KDELR2: variants seen among roughly 807,000 people sequenced by gnomAD.
The protein encoded by KDELR2 is ER lumen protein-retaining receptor 2.
Under a neutral mutation model 23.9 loss-of-function variants are expected in KDELR2, and 15 were observed. The observed-to-expected ratio is 0.63, with a 90% CI of 0.42 to 0.97. The LOEUF is 0.97. Ranked by LOEUF, KDELR2 falls within the 50% of genes least tolerant of loss-of-function variation. The pLI is 0.00. For missense variants in KDELR2, 272 were observed against 254.6 expected (o/e 1.07, Z -0.46); for synonymous variants, 119 against 106.2 (o/e 1.12, Z -0.74).
At chr7:6,469,815 G>T in intron 2 of KDELR2, 61 bp from the exon 3 acceptor site, 1 of 1,414,484 alleles carries the variant, frequency 7.1e-7, no homozygotes. Context: ...GCACCCCCCA[G>T]CTTTTTTAAT....
At chr7:6,471,175 G>A (rs1282783318) in intron 2 of KDELR2, among the ~76,000 whole-genome samples, 5 of 117,130 alleles carry the variant, frequency 4.3e-5, no homozygotes, top group East Asian at 4.9e-4. Context: ...CATTTGTTTC[G>A]GTTTTTTTTT....
intron 1 of KDELR2, among the ~76,000 whole-genome samples, chr7:6,482,191 G>A (rs561254141): frequency 6.6e-6 from 1 of 151,924 alleles, no homozygotes; most frequent in African/African-American, 2.4e-5. Flanking sequence ...TAGTAGAGAC[G>A]GGGTTTCTCC....
intron 2 of KDELR2, 58 bp downstream of exon 2, chr7:6,474,126 G>A (rs118173352): frequency 0.029 from 27,240 of 954,240 alleles, 528 homozygotes; most frequent in Middle Eastern, 0.075. Context: ...CATAAATTAA[G>A]TGTCCATAGA....
At chr7:6,464,774 T>C (rs541211482) in intron 4 of KDELR2, among the ~76,000 whole-genome samples, 2 of 148,330 alleles carry the variant, frequency 1.3e-5, no homozygotes, top group South Asian at 2.1e-4. Flanking sequence ...TTGCTCTTGT[T>C]CCCTAGGCTG....
At chr7:6,463,831 T>C (rs1297313673) in intron 4 of KDELR2, among the ~76,000 whole-genome samples, 1 of 147,980 alleles carries the variant, frequency 6.8e-6, no homozygotes, top group Non-Finnish European at 1.5e-5. Flanking sequence ...GAGGCAGAGG[T>C]GGGCGGATCT....
rs966764909 is a variant in KDELR2 at position 6,462,019 on chromosome 7, A to T, written c.*1122T>A. 6.6e-6 allele frequency: 1 copy of T among 152,182 alleles called. No homozygotes were observed. The highest frequency in any genetic ancestry group is 1.9e-4 in the East Asian group (1 of 5,194). 9.4% of individuals were successfully genotyped at this position (152,182 alleles called of 1,614,324 possible). On this transcript the variant is annotated 3_prime_UTR_variant, in exon 5 of 5. Transcript: ENST00000258739. ...AAAAAGCCTAATTCATAAAAAGACA[A>T]TTTATTCCATGTTTAATATAGTGTT...
intron 1 of KDELR2, among the ~76,000 whole-genome samples, chr7:6,480,888 C>T (rs550902302): frequency 5.9e-4 from 90 of 152,220 alleles, no homozygotes; most frequent in Non-Finnish European, 1.0e-3. Context: ...CAGGAAAACA[C>T]ACAAACCAGG....
intron 1 of KDELR2, among the ~76,000 whole-genome samples, chr7:6,477,900 C>T (rs1398261503): frequency 6.6e-6 from 1 of 152,078 alleles, no homozygotes; most frequent in Non-Finnish European, 1.5e-5. Context: ...TCAAACTGTA[C>T]CCCATAAATA....
chr7:6,480,056 A>C (rs1469802641), intron 1 of KDELR2, among the ~76,000 whole-genome samples: 13 of 152,230 alleles, frequency 8.5e-5, no homozygotes, highest in Admixed American at 7.9e-4. Context: ...TAGGATGAAA[A>C]GTTTACAACC....
At chr7:6,473,991 T>G (rs1342010117) in intron 2 of KDELR2, 193 bp downstream of exon 2, 1 of 435,368 alleles carries the variant, frequency 2.3e-6, no homozygotes. Flanking sequence ...AAACCAAAAA[T>G]GTATGCTTAC....
chr7:6,465,308 CGAGT>C (rs1223860030), intron 4 of KDELR2, among the ~76,000 whole-genome samples: 1 of 151,676 alleles, frequency 6.6e-6, no homozygotes, highest in Non-Finnish European at 1.5e-5. Flanking sequence ...CTCAGCCTCC[CGAGT>C]AACTGGGACT....
In KDELR2 at chr7:6,484,127, C is replaced by CT; in HGVS notation, c.-71_-70insA. ...GCTGGGCGGCTCAGGAGGCGGCGGC[C>CT]CCTGAGAGGAAGCGGCGAAGATGGC... On this transcript the variant is annotated 5_prime_UTR_variant, in exon 1 of 5. Transcript: ENST00000258739. 1 of 1,177,652 alleles carries CT rather than the reference C, an allele frequency of 8.5e-7. No homozygotes were observed. Among genetic ancestry groups the CT allele is most frequent in the Non-Finnish European group, 1.1e-6 (1 of 929,810 alleles). 73.0% of individuals were successfully genotyped at this position (1,177,652 alleles called of 1,614,324 possible).
chr7:6,463,147 T>G lies in KDELR2; in HGVS notation c.633A>C (p.Pro211=). The change falls in exon 5 of 5, where the codon CCA becomes CCC. Residue 211 remains proline, a synonymous_variant. Coordinates refer to ENST00000258739, the MANE Select transcript of KDELR2 (RefSeq NM_006854.4). ...KVLKGKKLSL[P]A ...TGGTGATGGTCTTTGGCACTTATGCTGGCAAACTGAGCTTCTTTCCCTTGA... is the reference window on the plus strand; with the variant it reads ...TGGTGATGGTCTTTGGCACTTATGCGGGCAAACTGAGCTTCTTTCCCTTGA... 1 of 1,614,014 alleles carries G rather than the reference T, an allele frequency of 6.2e-7. No homozygotes were observed. Among genetic ancestry groups the G allele is most frequent in the Non-Finnish European group, 8.5e-7 (1 of 1,179,992 alleles).
intron 1 of KDELR2, among the ~76,000 whole-genome samples, chr7:6,474,728 G>C (rs926787102): frequency 2.0e-5 from 3 of 152,144 alleles, no homozygotes; most frequent in African/African-American, 7.2e-5. Flanking sequence ...GCAGAGGCAC[G>C]ATCAAGCTCA....
At chr7:6,481,651 T>G (rs1785894359) in intron 1 of KDELR2, among the ~76,000 whole-genome samples, 2 of 151,806 alleles carry the variant, frequency 1.3e-5, no homozygotes, top group South Asian at 2.1e-4. Flanking sequence ...GCCCAGGAGT[T>G]TGGGGCTGTA....
chr7:6,466,276 C>T lies in KDELR2; in HGVS notation c.399G>A (p.Pro133=), dbSNP rs372979976. 77 of 1,613,868 alleles carry T rather than the reference C, an allele frequency of 4.8e-5. 1 individual carries two copies. The East Asian group carries it at 7.8e-4, about 16-fold the overall frequency. Residue 133 remains proline, a synonymous_variant, in exon 4 of 5, where the codon CCG becomes CCA. Transcript: ENST00000258739. The stretch of plus-strand genomic sequence containing the variant: ...CAGTCTTGCTGATCATAAATAGCTG[C>T]GGAAGGATAGCCACGGACTCCAGGT... The part of the protein sequence containing the change: ...SIYLESVAIL[P]QLFMISKTGE...
Position 6,484,130 on chromosome 7 carries a change from T to C in KDELR2, c.-73A>G, listed in dbSNP as rs1785983321. On this transcript the variant is annotated 5_prime_UTR_variant, in exon 1 of 5. Transcript: ENST00000258739. ...GGGCGGCTCAGGAGGCGGCGGCCCC[T>C]GAGAGGAAGCGGCGAAGATGGCGAG... 10 of 1,167,676 alleles carry C rather than the reference T, an allele frequency of 8.6e-6. No homozygotes were observed. Among genetic ancestry groups the C allele is most frequent in the African/African-American group, 1.6e-5 (1 of 61,414 alleles). 72.3% of individuals were successfully genotyped at this position (1,167,676 alleles called of 1,614,324 possible). A position where few individuals can be genotyped will look rare whatever the true frequency, so the allele number is the denominator to read the frequency against.
At chr7:6,478,285 C>A (rs1785797962) in intron 1 of KDELR2, among the ~76,000 whole-genome samples, 1 of 151,884 alleles carries the variant, frequency 6.6e-6, no homozygotes, top group Non-Finnish European at 1.5e-5. Flanking sequence ...GTAGCTAAGA[C>A]ACAGGTGCAC....
At chr7:6,481,907 C>T (rs1785901746) in intron 1 of KDELR2, among the ~76,000 whole-genome samples, 1 of 152,172 alleles carries the variant, frequency 6.6e-6, no homozygotes, top group Non-Finnish European at 1.5e-5. Context: ...ATTTATTCCA[C>T]TCCCTAAGAC....
Sources: gnomAD v4.1 joint callset for allele counts (sites outside exome capture counted in the v4.1 genomes callset) on GRCh38, gnomAD v4.1.1 for gene constraint, MANE v1.5 for transcripts, NCBI Gene and HGNC (gene_info 2026-07-23, HGNC 2026-07-21) for gene names.